The following MSL2 variants were observed in gnomAD, a reference collection of about 807,000 sequenced individuals.
The protein encoded by MSL2 is E3 ubiquitin-protein ligase MSL2.
A neutral mutation model predicts 35.8 loss-of-function variants in MSL2; 2 were observed. That is an observed-to-expected ratio of 0.06 (90% confidence interval 0.02 to 0.18). The LOEUF (loss-of-function observed/expected upper bound fraction) is 0.18, where lower values mean the gene tolerates loss of function less well. Among genes scored for constraint, MSL2 ranks in the 10% least tolerant of loss-of-function variants. The probability of loss-of-function intolerance (pLI) is 1.00; values close to 1 mark genes in which losing one functional copy is unlikely to be tolerated. For synonymous variants in MSL2, 296 were observed against 255.7 expected (o/e 1.16, Z -1.50); for missense variants, 523 against 706.7 (o/e 0.74, Z 2.95).
In MSL2 at chr3:136,195,501, A is replaced by G. The variant is rs2108103400; in HGVS notation, c.-388T>C. On this transcript the variant is annotated 5_prime_UTR_variant, in exon 1 of 2. Coordinates refer to ENST00000309993, the MANE Select transcript of MSL2 (RefSeq NM_018133.4). The stretch of plus-strand genomic sequence containing the variant: ...CTCCGGACACGGAGGCGCCTCCTCA[A>G]GTCGAGCTGGCAGGCGCGGGAGCAG... 6.9e-6 allele frequency: 7 copies of G among 1,013,512 alleles called. No individual in the cohort carries two copies. Among genetic ancestry groups the G allele is most frequent in the Non-Finnish European group, 8.3e-6 (7 of 848,158 alleles). The allele number at this position is 1,013,512 out of a possible 1,614,324, so 62.8% of individuals were successfully genotyped here.
intron 1 of MSL2, 95 bp from the exon 2 acceptor site, chr3:136,152,833 T>G: frequency 6.7e-7 from 1 of 1,493,430 alleles, no homozygotes; most frequent in East Asian, 2.4e-5. Flanking sequence ...CTATCAAAAT[T>G]GAGATGAATT....
At chr3:136,184,734 G>A (rs1463912489) in intron 1 of MSL2, among the ~76,000 whole-genome samples, 4 of 92,896 alleles carry the variant, frequency 4.3e-5, no homozygotes, top group Non-Finnish European at 5.8e-5. Flanking sequence ...GTTAGATAAA[G>A]GTTAAAAAAA....
At chr3:136,155,746 C>T (rs746636833) in intron 1 of MSL2, 24 of 521,556 alleles carry the variant, frequency 4.6e-5, no homozygotes, top group Non-Finnish European at 7.0e-5. Context: ...CTTCTACAGA[C>T]GGAATTGTGA....
intron 1 of MSL2, among the ~76,000 whole-genome samples, chr3:136,158,436 C>T (rs2108064444): frequency 6.6e-6 from 1 of 151,698 alleles, no homozygotes; most frequent in South Asian, 2.1e-4. Context: ...CACACACACA[C>T]AAATTCACAA....
chr3:136,185,407 T>C (rs919116269), intron 1 of MSL2, among the ~76,000 whole-genome samples: 6 of 152,136 alleles, frequency 3.9e-5, no homozygotes, highest in South Asian at 4.1e-4. Flanking sequence ...CAAGTCATCA[T>C]AGAAGATAAC....
rs1442843354 is a variant in MSL2, at chr3:136,151,197, G to C, written c.1684C>G (p.His562Asp). ...GCTTCATCCAAACTTTTATCATCAT[G>C]TGTACTGGCAGCTAAAAACGTCGTT... ...PVTTFLAAST[H>D]DDKSLDEAID... Residue 562 changes from histidine to aspartate, a missense_variant, in exon 2 of 2, where the codon CAT becomes GAT. Physicochemically the swap from His to Asp is moderately conservative, Grantham distance 81. Coordinates refer to ENST00000309993, the MANE Select transcript of MSL2 (RefSeq NM_018133.4). The surrounding 1 kb of genome is among the most constrained non-coding windows in gnomAD (Gnocchi z 5.2). 3 of 1,614,170 alleles carry C rather than the reference G, an allele frequency of 1.9e-6. No homozygotes were observed. Among genetic ancestry groups the C allele is most frequent in the Non-Finnish European group, 2.5e-6 (3 of 1,180,020 alleles).
chr3:136,163,509 AG>A (rs1376255226), intron 1 of MSL2, among the ~76,000 whole-genome samples: 1 of 152,228 alleles, frequency 6.6e-6, no homozygotes, highest in East Asian at 1.9e-4. Flanking sequence ...GCTAATTTCA[AG>A]TTTGTGCCAT....
rs1939342201 is a variant in MSL2, at chr3:136,150,919, T to C, written c.*228A>G. The C allele has an allele frequency of 2.0e-6, 1 of 509,406 alleles. No individual in the cohort carries two copies. The highest frequency in any genetic ancestry group is 3.5e-6 in the Non-Finnish European group (1 of 286,846). The allele number at this position is 509,406 out of a possible 1,614,324, so 31.6% of individuals were successfully genotyped here. ...TATAAATCAGTTGCATCAGCTTTGTTCTCAAACTATGAGGTTCTGTAAGAA... is the reference window on the plus strand; with the variant it reads ...TATAAATCAGTTGCATCAGCTTTGTCCTCAAACTATGAGGTTCTGTAAGAA... On this transcript the variant is annotated 3_prime_UTR_variant, in exon 2 of 2. Coordinates refer to ENST00000309993, the MANE Select transcript of MSL2 (RefSeq NM_018133.4).
intron 1 of MSL2, among the ~76,000 whole-genome samples, chr3:136,157,205 C>T (rs540587106): frequency 6.6e-6 from 1 of 151,972 alleles, no homozygotes; most frequent in East Asian, 1.9e-4. Flanking sequence ...GTGGGCTGAT[C>T]ACCTGAGGTC....
chr3:136,177,283 A>G (rs1232530209), intron 1 of MSL2, among the ~76,000 whole-genome samples: 1 of 152,244 alleles, frequency 6.6e-6, no homozygotes, highest in East Asian at 1.9e-4. Context: ...TATTTCTTTA[A>G]AATATCTAGC....
At chr3:136,177,493 T>G (rs1167914972) in intron 1 of MSL2, among the ~76,000 whole-genome samples, 2 of 151,412 alleles carry the variant, frequency 1.3e-5, no homozygotes, top group African/African-American at 2.4e-5. Context: ...GCTAACAAGG[T>G]GAAAACCCAT....
rs1939252171 is a variant in MSL2, at chr3:136,148,998, TAA to T, written c.*2147_*2148del. ...AAATGTGGCAGTGAGAATACCAGCA[TAA>T]AAAAGAGAAACTTGTGCTAAAAACA... On this transcript the variant is annotated 3_prime_UTR_variant, in exon 2 of 2. Coordinates refer to ENST00000309993, the MANE Select transcript of MSL2 (RefSeq NM_018133.4). The T allele has an allele frequency of 6.6e-6, 1 of 151,716 alleles. No homozygotes were observed. The highest frequency in any genetic ancestry group is 1.9e-4 in the East Asian group (1 of 5,146). 9.4% of individuals were successfully genotyped at this position (151,716 alleles called of 1,614,324 possible).
chr3:136,157,023 C>T (rs1430033844), intron 1 of MSL2, among the ~76,000 whole-genome samples: 1 of 152,094 alleles, frequency 6.6e-6, no homozygotes, highest in Admixed American at 6.6e-5. Context: ...TATGTGTATG[C>T]ACAGTAAAAA....
At chr3:136,157,481 G>A (rs1322416651) in intron 1 of MSL2, among the ~76,000 whole-genome samples, 2 of 152,002 alleles carry the variant, frequency 1.3e-5, no homozygotes, top group Non-Finnish European at 2.9e-5. Context: ...CAGCCTGGGC[G>A]ACAGAGCCAG....
At chr3:136,156,810 G>A (rs1270765927) in intron 1 of MSL2, among the ~76,000 whole-genome samples, 3 of 152,120 alleles carry the variant, frequency 2.0e-5, no homozygotes, top group Admixed American at 1.3e-4. Context: ...AGCCAAGATG[G>A]CGCCACTGCA....
At chr3:136,159,012 GT>G (rs1485050175) in intron 1 of MSL2, among the ~76,000 whole-genome samples, 1 of 152,164 alleles carries the variant, frequency 6.6e-6, no homozygotes, top group Non-Finnish European at 1.5e-5. Flanking sequence ...CAAGATGGCA[GT>G]TTTCCCCAAA....
chr3:136,160,871 G>A (rs1317408960), intron 1 of MSL2, among the ~76,000 whole-genome samples: 4 of 151,860 alleles, frequency 2.6e-5, no homozygotes, highest in African/African-American at 4.8e-5. Flanking sequence ...GGCAGATCAC[G>A]AGGTCAGGAG....
At chr3:136,161,726 G>C (rs1168113737) in intron 1 of MSL2, among the ~76,000 whole-genome samples, 2 of 152,118 alleles carry the variant, frequency 1.3e-5, no homozygotes, top group African/African-American at 4.8e-5. Flanking sequence ...TGGGCACAAT[G>C]GAACCTTTTA....
chr3:136,162,846 T>C (rs911645005), intron 1 of MSL2, among the ~76,000 whole-genome samples: 19 of 152,180 alleles, frequency 1.2e-4, no homozygotes, highest in African/African-American at 4.6e-4. Flanking sequence ...GGCTCAATCC[T>C]TGCAATCCTC....
Sources: gnomAD v4.1 joint callset for allele counts (sites outside exome capture counted in the v4.1 genomes callset) on GRCh38, gnomAD v4.1.1 for gene constraint, Gnocchi (gnomAD v3.1) non-coding constraint, MANE v1.5 for transcripts, NCBI Gene and HGNC (gene_info 2026-07-23, HGNC 2026-07-21) for gene names.